DPP6: variants seen among roughly 807,000 people sequenced by gnomAD.
DPP6 encodes A-type potassium channel modulatory protein DPP6.
In DPP6, 69 loss-of-function variants were observed where a neutral mutation model predicts 122.6. The observed-to-expected ratio is 0.56, with a 90% CI of 0.46 to 0.69. The LOEUF (loss-of-function observed/expected upper bound fraction) is 0.69. DPP6 is among the 30% of genes least tolerant of loss of function. The pLI is 0.00. For missense variants in DPP6, 928 were observed against 1,116.9 expected (o/e 0.83, Z 2.41); for synonymous variants, 418 against 433.1 (o/e 0.97, Z 0.43).
At chr7:154,093,596 C>CA (rs1404057018) in intron 1 of DPP6, 1 of 118,242 alleles carries the variant, frequency 8.5e-6, no homozygotes, top group East Asian at 3.7e-4. Flanking sequence ...ACACACCATA[C>CA]CCCACACACA....
chr7:154,801,820 A>G (rs570575008), intron 13 of DPP6, among the ~76,000 whole-genome samples: 27 of 152,174 alleles, frequency 1.8e-4, no homozygotes, highest in African/African-American at 5.3e-4. Flanking sequence ...CCGCTGAGGC[A>G]TGGCTCCATG....
At chr7:154,787,031 G>A (rs767605935) in intron 10 of DPP6, among the ~76,000 whole-genome samples, 1 of 152,064 alleles carries the variant, frequency 6.6e-6, no homozygotes, top group Non-Finnish European at 1.5e-5. Flanking sequence ...GCCCTCCCCT[G>A]TTGTCTTTAT....
chr7:154,137,661 G>GGGGC lies in DPP6; in HGVS notation c.243+84601_243+84602insCGGG, dbSNP rs1554473112. Among the ~76,000 whole-genome samples, 2 of 120,666 alleles carry GGGGC rather than the reference G, an allele frequency of 1.7e-5. 1 individual carries two copies. Among genetic ancestry groups the GGGGC allele is most frequent in the East Asian group, 6.2e-4 (2 of 3,206 alleles). 79.2% of individuals were successfully genotyped at this position (120,666 alleles called of 152,430 possible). The stretch of plus-strand genomic sequence containing the variant: ...GATGGTGGGGGGGGTGGGGGGGTGG[G>GGGGC]GGGGGTGGGGCGAGCTAATTATCCA... On this transcript the variant is annotated intron_variant, in intron 1 of 25. Coordinates refer to ENST00000377770, the MANE Select transcript of DPP6 (RefSeq NM_130797.4).
In DPP6 at chr7:154,293,391, C is replaced by T. The variant is rs190487672; in HGVS notation, c.244-152823C>T. ...CCCAAGTGTTTTAAGCTGCAGAGCT[C>T]TTTGTTCCGATGCTTGTAATTCACA... On this transcript the variant is annotated intron_variant, in intron 1 of 25. Transcript: ENST00000377770. Among the ~76,000 whole-genome samples, 705 of 152,236 alleles carry T rather than the reference C, an allele frequency of 4.6e-3. 4 individuals are homozygous for T. Among genetic ancestry groups the T allele is most frequent in the Non-Finnish European group, 7.2e-3 (491 of 68,020 alleles).
intron 1 of DPP6, among the ~76,000 whole-genome samples, chr7:154,222,623 C>A (rs1349644503): frequency 6.7e-6 from 1 of 149,150 alleles, no homozygotes; most frequent in African/African-American, 2.6e-5. Context: ...CCATTGTACT[C>A]CAGCCTGGGC....
At chr7:154,450,285 G>A (rs1217203703) in intron 2 of DPP6, among the ~76,000 whole-genome samples, 3 of 152,120 alleles carry the variant, frequency 2.0e-5, no homozygotes, top group African/African-American at 7.2e-5. Flanking sequence ...TTGCTAATAG[G>A]TATGAAATTT....
chr7:154,615,692 A>G (rs997593325), intron 5 of DPP6, among the ~76,000 whole-genome samples: 24 of 151,754 alleles, frequency 1.6e-4, no homozygotes, highest in African/African-American at 4.6e-4. Flanking sequence ...ACCATTCACA[A>G]TGTTGTGTAA....
intron 1 of DPP6, among the ~76,000 whole-genome samples, chr7:154,163,360 G>C (rs397839730): frequency 2.8e-4 from 42 of 152,324 alleles, no homozygotes; most frequent in South Asian, 6.2e-4. Context: ...TTGTACTTCA[G>C]TTATTTTACT....
intron 1 of DPP6, among the ~76,000 whole-genome samples, chr7:153,983,088 A>C (rs1173477192): frequency 6.6e-6 from 1 of 152,204 alleles, no homozygotes; most frequent in East Asian, 1.9e-4. Context: ...TGGGAGATCC[A>C]CTGCTGTCTT....
At chr7:154,029,612 T>G (rs1799124431) in intron 1 of DPP6, among the ~76,000 whole-genome samples, 1 of 148,750 alleles carries the variant, frequency 6.7e-6, no homozygotes, top group African/African-American at 2.5e-5. Context: ...TTTGGGAGGC[T>G]GAGGTAGGTG....
At chr7:153,991,120 A>G (rs1268591511) in intron 1 of DPP6, among the ~76,000 whole-genome samples, 1 of 152,216 alleles carries the variant, frequency 6.6e-6, no homozygotes, top group Non-Finnish European at 1.5e-5. Flanking sequence ...AAAGGCCAGG[A>G]GACTGTGGTC....
At chr7:154,251,593 G>C (rs542683192) in intron 1 of DPP6, among the ~76,000 whole-genome samples, 2 of 152,194 alleles carry the variant, frequency 1.3e-5, no homozygotes, top group Non-Finnish European at 2.9e-5. Context: ...GGCTCAGTTC[G>C]AGTCCCAAAA....
At chr7:153,785,443 G>A in the DPP6 span, among the ~76,000 whole-genome samples, 2 of 152,084 alleles carry the variant, frequency 1.3e-5, no homozygotes, top group African/African-American at 4.8e-5. Context: ...GTATTTTATA[G>A]GGGTAATCTC....
At chr7:154,531,709 T>C (rs577774900) in intron 3 of DPP6, among the ~76,000 whole-genome samples, 36 of 152,292 alleles carry the variant, frequency 2.4e-4, no homozygotes, top group African/African-American at 7.5e-4. Context: ...AACTATAACA[T>C]TGTCTTCTGT....
chr7:154,169,949 C>T (rs896333286), intron 1 of DPP6, among the ~76,000 whole-genome samples: 6 of 152,104 alleles, frequency 3.9e-5, no homozygotes, highest in South Asian at 2.1e-4. Flanking sequence ...GTCTTGAACT[C>T]GTGACCTCAG....
At chr7:154,098,281 T>C (rs1249645239) in intron 1 of DPP6, among the ~76,000 whole-genome samples, 1 of 152,208 alleles carries the variant, frequency 6.6e-6, no homozygotes, top group African/African-American at 2.4e-5. Flanking sequence ...ACATATTTCC[T>C]TCCCCTTCTG....
At chr7:153,842,782 T>C in the DPP6 span, among the ~76,000 whole-genome samples, 1 of 152,224 alleles carries the variant, frequency 6.6e-6, no homozygotes, top group East Asian at 1.9e-4. Flanking sequence ...GATGAAGTTA[T>C]TCAGAGACAA....
intron 3 of DPP6, among the ~76,000 whole-genome samples, chr7:154,482,737 T>C (rs552549193): frequency 1.3e-5 from 2 of 152,302 alleles, no homozygotes; most frequent in South Asian, 4.1e-4. Flanking sequence ...CATCTTCTGA[T>C]ATTGAAAGTT....
intron 7 of DPP6, among the ~76,000 whole-genome samples, chr7:154,669,865 T>C (rs1838446135): frequency 2.6e-5 from 4 of 151,868 alleles, no homozygotes; most frequent in Admixed American, 2.6e-4. Context: ...TTTTTGTTTG[T>C]TTGTTTCTTT....
Sources: allele counts gnomAD v4.1 joint callset (sites outside exome capture counted in the v4.1 genomes callset), GRCh38; gene constraint gnomAD v4.1.1; transcripts MANE v1.5; gene names NCBI Gene and HGNC (gene_info 2026-07-23, HGNC 2026-07-21).